Variants in MBD5 observed in about 807,000 individuals in gnomAD.
The protein encoded by MBD5 is methyl-CpG-binding domain protein 5.
In MBD5, 13 loss-of-function variants were observed where a neutral mutation model predicts 117.3. The ratio of observed to expected loss-of-function variants is 0.11; its 90% CI spans 0.07 to 0.18. MBD5 has a LOEUF of 0.18. MBD5 is among the 10% of genes least tolerant of loss of function. The pLI is 1.00. For missense variants in MBD5, 1,879 were observed against 2,093.8 expected, an observed-to-expected ratio of 0.90 and a Z score of 2.00; for synonymous variants, 727 against 766.4, an observed-to-expected ratio of 0.95 and a Z score of 0.85.
chr2:148,174,327 G>A (rs1414303744), intron 1 of MBD5, among the ~76,000 whole-genome samples: 1 of 152,140 alleles, frequency 6.6e-6, no homozygotes, highest in South Asian at 2.1e-4. Context: ...AGACTTAAAT[G>A]TTAAGACCAG....
At chr2:148,026,422 G>C (rs1693894124) in intron 1 of MBD5, 1 of 152,126 alleles carries the variant, frequency 6.6e-6, no homozygotes, top group Non-Finnish European at 1.5e-5. Flanking sequence ...ACAGACCATT[G>C]TACAATTTAA....
intron 4 of MBD5, among the ~76,000 whole-genome samples, chr2:148,423,386 A>G (rs963716420): frequency 7.9e-5 from 12 of 152,144 alleles, no homozygotes; most frequent in Non-Finnish European, 1.3e-4. Context: ...TTTCCAAACT[A>G]TATTATCCCA....
intron 4 of MBD5, among the ~76,000 whole-genome samples, chr2:148,457,492 G>A (rs1178484720): frequency 6.6e-6 from 1 of 152,020 alleles, no homozygotes; most frequent in Non-Finnish European, 1.5e-5. Flanking sequence ...GCTCAATCAA[G>A]ATAACTTTTA....
At chr2:148,274,946 C>T (rs1701072168) in intron 3 of MBD5, among the ~76,000 whole-genome samples, 2 of 152,096 alleles carry the variant, frequency 1.3e-5, no homozygotes, top group South Asian at 4.1e-4. Context: ...TGGTCTCGAA[C>T]TCCTCAGGTG....
At chr2:148,477,043 C>G (rs961219617) in intron 8 of MBD5, among the ~76,000 whole-genome samples, 6 of 151,886 alleles carry the variant, frequency 4.0e-5, no homozygotes, top group African/African-American at 1.2e-4. Context: ...ACTGAAAAAT[C>G]CCAAGCATTT....
At chr2:148,309,333 G>A (rs747191160) in intron 3 of MBD5, among the ~76,000 whole-genome samples, 4 of 152,062 alleles carry the variant, frequency 2.6e-5, no homozygotes, top group African/African-American at 9.7e-5. Context: ...ATTTCCTTCA[G>A]CAGTGGTTTG....
intron 1 of MBD5, among the ~76,000 whole-genome samples, chr2:148,150,658 T>A (rs1697632431): frequency 6.6e-6 from 1 of 151,854 alleles, no homozygotes; most frequent in African/African-American, 2.4e-5. Flanking sequence ...GTCCTTCACA[T>A]CCCTTGTAAG....
intron 1 of MBD5, among the ~76,000 whole-genome samples, chr2:148,141,181 G>A (rs1029668405): frequency 6.6e-6 from 1 of 152,170 alleles, no homozygotes; most frequent in African/African-American, 2.4e-5. Context: ...CCTTGAGATT[G>A]CTGTGGGTTT....
At chr2:148,420,487 G>A (rs558922982) in intron 4 of MBD5, among the ~76,000 whole-genome samples, 3 of 152,072 alleles carry the variant, frequency 2.0e-5, no homozygotes, top group African/African-American at 7.2e-5. Flanking sequence ...ATAATTCAGA[G>A]TTCAACACTA....
intron 2 of MBD5, among the ~76,000 whole-genome samples, chr2:148,210,306 T>A (rs1373017281): frequency 6.6e-6 from 1 of 152,088 alleles, no homozygotes; most frequent in East Asian, 1.9e-4. Context: ...CCTTTCTACC[T>A]CCAATGTTAA....
chr2:148,336,129 T>C (rs1474100070), intron 3 of MBD5, among the ~76,000 whole-genome samples: 3 of 152,230 alleles, frequency 2.0e-5, no homozygotes, highest in Admixed American at 1.3e-4. Context: ...TTCTCACACC[T>C]ATGTCATTGA....
In MBD5 at chr2:148,490,297, A is replaced by G; in HGVS notation, c.4665A>G (p.Ser1555=). 6.2e-7 allele frequency: 1 copy of G among 1,614,226 alleles called. No individual in the cohort carries two copies. The change falls in exon 11 of 14, where the codon TCA becomes TCG. Residue 1555 remains serine, a synonymous_variant. Transcript: ENST00000642680. ...TAGAGGAGCAGTCTCCAAGTTCCTC[A>G]AATAGTTTGGAAAATTCTCTGGTCA... is the stretch of plus-strand genomic sequence containing the variant. The part of the protein sequence containing the change: ...LVLEEQSPSS[S]NSLENSLVKD...
In MBD5 at chr2:148,391,339, CA is replaced by C. The variant is rs140393775; in HGVS notation, c.-557+49010del. On this transcript the variant is annotated intron_variant, in intron 4 of 13. Coordinates refer to ENST00000642680, the MANE Select transcript of MBD5 (RefSeq NM_001378120.1). ...ATATGAGTATATATTTTAGCACAAACAAAAAAATTTACAGGTTTAATTTGCA... is the reference window on the plus strand; with the variant it reads ...ATATGAGTATATATTTTAGCACAAACAAAAAATTTACAGGTTTAATTTGCA... Among the ~76,000 whole-genome samples the C allele has an allele frequency of 6.2e-3, 948 of 152,066 alleles. 5 individuals carry two copies. The highest frequency in any genetic ancestry group is 8.0e-3 in the Non-Finnish European group (542 of 67,940).
At chr2:148,252,191 G>A (rs191518048) in intron 3 of MBD5, among the ~76,000 whole-genome samples, 100 of 152,218 alleles carry the variant, frequency 6.6e-4, no homozygotes, top group African/African-American at 2.3e-3. Flanking sequence ...GTCTGGTCAC[G>A]GTGACTCACG....
chr2:148,399,066 T>C (rs1704830576), intron 4 of MBD5, among the ~76,000 whole-genome samples: 1 of 152,230 alleles, frequency 6.6e-6, no homozygotes, highest in Non-Finnish European at 1.5e-5. Flanking sequence ...CCTTGTAATA[T>C]AGTTTGAAGT....
intron 3 of MBD5, among the ~76,000 whole-genome samples, chr2:148,320,078 A>G (rs1161596199): frequency 1.3e-5 from 2 of 152,146 alleles, no homozygotes; most frequent in Non-Finnish European, 2.9e-5. Flanking sequence ...ATGTTGAATC[A>G]TCTTTGCATA....
rs1043135199 is a variant in MBD5, at chr2:148,084,069, A to T, written c.-925+62385A>T. ...TGAAAACTTGATGTAGAAATGCTTT[A>T]TAAAGTCTCTCGTTTTGCTGTTTGC... is the stretch of plus-strand genomic sequence containing the variant. On this transcript the variant is annotated intron_variant, in intron 1 of 13. Coordinates refer to ENST00000642680, the MANE Select transcript of MBD5 (RefSeq NM_001378120.1). Among the ~76,000 whole-genome samples the T allele has an allele frequency of 9.2e-4, 140 of 152,374 alleles. 1 individual carries two copies. Among genetic ancestry groups the T allele is most frequent in the African/African-American group, 3.2e-3 (131 of 41,584 alleles).
chr2:148,181,245 A>C (rs1395063814), intron 2 of MBD5, among the ~76,000 whole-genome samples: 1 of 152,302 alleles, frequency 6.6e-6, no homozygotes, highest in East Asian at 1.9e-4. Context: ...AATCCACAGT[A>C]TATGGCAGCC....
At chr2:148,365,182 A>C (rs1703659948) in intron 4 of MBD5, among the ~76,000 whole-genome samples, 1 of 152,216 alleles carries the variant, frequency 6.6e-6, no homozygotes, top group African/African-American at 2.4e-5. Context: ...AGGATTACAA[A>C]ACTCACTCAA....
Sources: allele counts gnomAD v4.1 joint callset (sites outside exome capture counted in the v4.1 genomes callset), GRCh38; gene constraint gnomAD v4.1.1; transcripts MANE v1.5; gene names NCBI Gene and HGNC (gene_info 2026-07-23, HGNC 2026-07-21).